ZFAT: variants seen among roughly 807,000 people sequenced by gnomAD.
ZFAT encodes zinc finger and AT-hook domain containing, also known as zinc finger protein ZFAT.
ZFAT carries 64 observed loss-of-function variants against 117.7 expected under a neutral mutation model. The observed-to-expected ratio is 0.54, with a 90% CI of 0.44 to 0.67. The LOEUF is 0.67. ZFAT is among the 30% of genes least tolerant of loss of function. The pLI, the probability that ZFAT is intolerant of heterozygous loss-of-function variation, is 0.00. For missense variants in ZFAT, 1,433 were observed against 1,584.5 expected (o/e 0.90, Z 1.62); for synonymous variants, 679 against 615.0 (o/e 1.10, Z -1.54).
intron 3 of ZFAT, among the ~76,000 whole-genome samples, chr8:134,635,672 A>ACAGG (rs1830168298): frequency 1.3e-5 from 2 of 150,422 alleles, no homozygotes; most frequent in Non-Finnish European, 3.0e-5. Flanking sequence ...AGACAGGGAG[A>ACAGG]GAGAGAGTGT....
the ZFAT span, among the ~76,000 whole-genome samples, chr8:134,787,397 C>G: frequency 3.3e-5 from 5 of 152,170 alleles, no homozygotes; most frequent in African/African-American, 4.8e-5. Context: ...ATACAGCTAT[C>G]TAATTGACTG....
the ZFAT span, among the ~76,000 whole-genome samples, chr8:134,808,169 T>C: frequency 6.6e-6 from 1 of 152,246 alleles, no homozygotes; most frequent in African/African-American, 2.4e-5. Flanking sequence ...TTCCCTGACA[T>C]GCACATGCAC....
At chr8:134,549,806 C>T (rs1822997022) in intron 11 of ZFAT, among the ~76,000 whole-genome samples, 1 of 152,170 alleles carries the variant, frequency 6.6e-6, no homozygotes, top group Admixed American at 6.5e-5. Flanking sequence ...CTGGTGCACT[C>T]CACCTGACCC....
intron 1 of ZFAT, among the ~76,000 whole-genome samples, chr8:134,672,592 T>G (rs1262917208): frequency 2.6e-5 from 4 of 152,068 alleles, no homozygotes; most frequent in African/African-American, 4.8e-5. Flanking sequence ...AGACACATCA[T>G]AATCAAATCT....
intron 1 of ZFAT, among the ~76,000 whole-genome samples, chr8:134,674,247 C>T (rs1299623411): frequency 3.9e-5 from 6 of 152,138 alleles, no homozygotes; most frequent in East Asian, 3.9e-4. Flanking sequence ...CCAGGTACTG[C>T]GCTTTTCCTA....
At chr8:134,822,356 A>G in the ZFAT span, among the ~76,000 whole-genome samples, 3 of 152,052 alleles carry the variant, frequency 2.0e-5, no homozygotes, top group Non-Finnish European at 2.9e-5. Flanking sequence ...TCCAGTCTCC[A>G]TTCCCAGCTT....
chr8:134,478,766 C>T lies in ZFAT; in HGVS notation c.3493-45G>A, dbSNP rs191510408. 2,360 of 1,527,212 alleles carry T rather than the reference C, an allele frequency of 1.5e-3. 1 individual carries two copies. The highest frequency in any genetic ancestry group is 2.0e-3 in the Non-Finnish European group (2,275 of 1,135,800). The allele number at this position is 1,527,212 out of a possible 1,614,324, so 94.6% of individuals were successfully genotyped here. A position where few individuals can be genotyped will look rare whatever the true frequency, so the allele number is the denominator to read the frequency against. On this transcript the variant is annotated intron_variant, in intron 15 of 15. Coordinates refer to ENST00000377838, the MANE Select transcript of ZFAT (RefSeq NM_020863.4). This position sits in a 1 kb window ranked among gnomAD's most constrained non-coding sequence, Gnocchi z 5.2. ...GAAAGGTCACCCAGCGCCTACTTCC[C>T]GGTCCAGCGTAACAACAAAGTCACA...
chr8:134,514,138 C>T (rs1402166517), intron 13 of ZFAT, among the ~76,000 whole-genome samples: 2 of 152,250 alleles, frequency 1.3e-5, no homozygotes, highest in African/African-American at 4.8e-5. Context: ...TGGCTTGTTA[C>T]TCCACTGGTG....
chr8:134,484,062 C>A (rs550284553), intron 15 of ZFAT, among the ~76,000 whole-genome samples: 1 of 152,308 alleles, frequency 6.6e-6, no homozygotes, highest in Admixed American at 6.5e-5. Flanking sequence ...TTTCTTCCCC[C>A]AACATTTAAG....
chr8:134,517,664 A>G (rs1208163444), intron 13 of ZFAT, among the ~76,000 whole-genome samples: 1 of 152,178 alleles, frequency 6.6e-6, no homozygotes, highest in Non-Finnish European at 1.5e-5. Context: ...TCAGGATCCA[A>G]TTCTGCATCC....
Position 134,592,771 on chromosome 8 carries a change from C to T in ZFAT, c.2476-2416G>A, listed in dbSNP as rs544954275. ...CGAGAGCGGGATCTGAAGGAGCACC[C>T]TCCACCTCCTTTGGTGTTCCCCAGC... On this transcript the variant is annotated intron_variant, in intron 7 of 15. Transcript: ENST00000377838. 7.9e-5 allele frequency among the ~76,000 whole-genome samples: 12 copies of T among 152,272 alleles called. No homozygotes were observed. In the South Asian group the frequency reaches 2.5e-3, roughly 32 times the overall value.
the ZFAT span, among the ~76,000 whole-genome samples, chr8:134,815,714 C>A: frequency 6.6e-6 from 1 of 152,116 alleles, no homozygotes; most frequent in Non-Finnish European, 1.5e-5. Context: ...CTTCTCTCTG[C>A]CAGGAAACTT....
chr8:134,544,969 G>T lies in ZFAT; in HGVS notation c.2977-11997C>A, dbSNP rs1053552705. ...TGGGTGTATGTATCTTGGAGAAACT[G>T]GTGCACAAGCATACCAGGGGACACA... On this transcript the variant is annotated intron_variant, in intron 11 of 15. Coordinates refer to ENST00000377838, the MANE Select transcript of ZFAT (RefSeq NM_020863.4). 1.8e-4 allele frequency among the ~76,000 whole-genome samples: 28 copies of T among 152,282 alleles called. 1 individual carries two copies. Among genetic ancestry groups the T allele is most frequent in the African/African-American group, 5.5e-4 (23 of 41,540 alleles).
chr8:134,676,255 C>CAAAAAAAAAAAAAAAAAA (rs146638821), intron 1 of ZFAT, among the ~76,000 whole-genome samples: 1 of 80,586 alleles, frequency 1.2e-5, no homozygotes, highest in Admixed American at 1.5e-4. Context: ...AAATGGAAAG[C>CAAAAAAAAAAAAAAAAAA]AAAAAAAAAA....
At chr8:134,558,621 A>G (rs1214978244) in intron 11 of ZFAT, among the ~76,000 whole-genome samples, 1 of 152,236 alleles carries the variant, frequency 6.6e-6, no homozygotes, top group Admixed American at 6.5e-5. Context: ...AACATAATGT[A>G]ATCTCATCGA....
intron 2 of ZFAT, among the ~76,000 whole-genome samples, chr8:134,655,019 C>A (rs1409629509): frequency 2.0e-5 from 3 of 152,164 alleles, no homozygotes; most frequent in South Asian, 2.1e-4. Flanking sequence ...TGAGTCCCAG[C>A]CACATACAGG....
At chr8:134,552,434 G>A (rs555901911) in intron 11 of ZFAT, among the ~76,000 whole-genome samples, 2 of 152,302 alleles carry the variant, frequency 1.3e-5, no homozygotes, top group African/African-American at 4.8e-5. Context: ...ATCGGTGATT[G>A]AGATCTCCCT....
At chr8:134,818,871 C>A in the ZFAT span, among the ~76,000 whole-genome samples, 1 of 152,106 alleles carries the variant, frequency 6.6e-6, no homozygotes, top group Non-Finnish European at 1.5e-5. Flanking sequence ...CTAAGACATG[C>A]ATGCCAATGT....
At chr8:134,585,149 G>A (rs1157033466) in intron 9 of ZFAT, among the ~76,000 whole-genome samples, 1 of 152,172 alleles carries the variant, frequency 6.6e-6, no homozygotes, top group Non-Finnish European at 1.5e-5. Flanking sequence ...AGTCTTCAGA[G>A]CACCAGATCC....
Sources: allele counts gnomAD v4.1 joint callset (sites outside exome capture counted in the v4.1 genomes callset), GRCh38; gene constraint gnomAD v4.1.1; non-coding constraint Gnocchi (gnomAD v3.1); transcripts MANE v1.5; gene names NCBI Gene and HGNC (gene_info 2026-07-23, HGNC 2026-07-21).